ACTR3C: variants seen among roughly 807,000 people sequenced by gnomAD.
ACTR3C encodes actin related protein 3C, also known as actin-related protein 3C.
Under a neutral mutation model 26.3 loss-of-function variants are expected in ACTR3C, and 18 were observed. The observed-to-expected ratio is 0.68, with a 90% CI of 0.47 to 1.01. The LOEUF (loss-of-function observed/expected upper bound fraction) is 1.01, where lower values mean the gene tolerates loss of function less well. ACTR3C is among the 50% of genes least tolerant of loss of function. The pLI is 0.00. For missense variants in ACTR3C, 184 were observed against 250.7 expected, an observed-to-expected ratio of 0.73 and a Z score of 1.80; for synonymous variants, 55 against 94.5, an observed-to-expected ratio of 0.58 and a Z score of 2.42.
the ACTR3C span, among the ~76,000 whole-genome samples, chr7:150,172,275 G>T: frequency 6.6e-6 from 1 of 150,462 alleles, no homozygotes; most frequent in Admixed American, 6.6e-5. Context: ...AGGTTTAATT[G>T]GACTTATAGT....
chr7:150,294,427 A>T (rs756567604), intron 2 of ACTR3C, among the ~76,000 whole-genome samples: 13 of 152,260 alleles, frequency 8.5e-5, no homozygotes, highest in Non-Finnish European at 1.8e-4. Context: ...TGCACAGACC[A>T]CTTTGAGAAC....
the ACTR3C span, among the ~76,000 whole-genome samples, chr7:150,195,884 A>C: frequency 1.3e-5 from 2 of 152,228 alleles, no homozygotes; most frequent in South Asian, 4.1e-4. Context: ...GTCTCAAAAA[A>C]AAATAATAAT....
At chr7:149,991,709 G>T in the ACTR3C span, among the ~76,000 whole-genome samples, 1 of 152,210 alleles carries the variant, frequency 6.6e-6, no homozygotes, top group African/African-American at 2.4e-5. Flanking sequence ...GAACAAGGGT[G>T]GAGTCAAATT....
chr7:149,971,202 C>T, the ACTR3C span, among the ~76,000 whole-genome samples: 2 of 152,198 alleles, frequency 1.3e-5, no homozygotes, highest in African/African-American at 4.8e-5. Context: ...TATCTTCACC[C>T]TCGCCTCTAG....
At chr7:149,982,145 G>A in the ACTR3C span, among the ~76,000 whole-genome samples, 1 of 152,186 alleles carries the variant, frequency 6.6e-6, no homozygotes, top group South Asian at 2.1e-4. Context: ...GTTGACTGAG[G>A]TGGAAGATTA....
the ACTR3C span, among the ~76,000 whole-genome samples, chr7:149,928,844 A>G: frequency 6.6e-6 from 1 of 151,928 alleles, no homozygotes; most frequent in East Asian, 2.0e-4. Context: ...CTCCGTCTCA[A>G]AAAATAAATA....
the ACTR3C span, among the ~76,000 whole-genome samples, chr7:149,888,144 C>T: frequency 9.9e-5 from 15 of 152,260 alleles, no homozygotes; most frequent in South Asian, 2.1e-4. Context: ...AGCATTATTG[C>T]GGCACACCTG....
At chr7:150,228,903 G>GAC in the ACTR3C span, among the ~76,000 whole-genome samples, 4,189 of 149,836 alleles carry the variant, frequency 0.028, 75 homozygotes, top group South Asian at 0.038. Flanking sequence ...TATATAGAGA[G>GAC]AGTGTGTATC....
the ACTR3C span, among the ~76,000 whole-genome samples, chr7:150,219,318 T>C: frequency 2.0e-5 from 3 of 146,686 alleles, no homozygotes; most frequent in Admixed American, 1.3e-4. Context: ...GAAAATAAGA[T>C]GACAGAGTAA....
the ACTR3C span, among the ~76,000 whole-genome samples, chr7:149,975,278 T>C: frequency 6.6e-6 from 1 of 152,054 alleles, no homozygotes; most frequent in Admixed American, 6.6e-5. Flanking sequence ...ATTTGGAAAT[T>C]AAACACCCTG....
the ACTR3C span, among the ~76,000 whole-genome samples, chr7:150,180,987 A>G: frequency 2.6e-5 from 4 of 151,512 alleles, no homozygotes; most frequent in Non-Finnish European, 5.9e-5. Context: ...TAGTATTTCT[A>G]GTCAGATGTC....
chr7:150,264,185 T>G (rs3763422), intron 6 of ACTR3C, among the ~76,000 whole-genome samples: 60,673 of 152,056 alleles, frequency 0.4, 13,069 homozygotes, highest in African/African-American at 0.56. Flanking sequence ...GGGCCAAACA[T>G]CCCTCATTCG....
At chr7:150,211,183 G>A in the ACTR3C span, among the ~76,000 whole-genome samples, 9 of 145,026 alleles carry the variant, frequency 6.2e-5, no homozygotes, top group South Asian at 2.1e-4. Flanking sequence ...ATCTACTGGC[G>A]TAGGTTCTCC....
At chr7:150,257,416 G>C (rs1833298277) in intron 6 of ACTR3C, among the ~76,000 whole-genome samples, 1 of 152,246 alleles carries the variant, frequency 6.6e-6, no homozygotes, top group African/African-American at 2.4e-5. Context: ...ACTGAGACCA[G>C]AGACCGTGGT....
At chr7:149,894,042 G>A in the ACTR3C span, among the ~76,000 whole-genome samples, 3 of 152,178 alleles carry the variant, frequency 2.0e-5, no homozygotes, top group Non-Finnish European at 4.4e-5. Context: ...ACACTATAAA[G>A]CTACAGTAAT....
chr7:150,322,226 A>C (rs1797595717), intron 1 of ACTR3C, among the ~76,000 whole-genome samples: 1 of 152,210 alleles, frequency 6.6e-6, no homozygotes, highest in South Asian at 2.1e-4. Flanking sequence ...AGAGGTGTTT[A>C]AGCCAGAATT....
chr7:150,077,073 G>A, the ACTR3C span, among the ~76,000 whole-genome samples: 2 of 152,114 alleles, frequency 1.3e-5, no homozygotes, highest in South Asian at 2.1e-4. Flanking sequence ...GCTGAGGCAG[G>A]AGAATCACTT....
chr7:150,176,018 AATAAC>A, the ACTR3C span, among the ~76,000 whole-genome samples: 1 of 150,594 alleles, frequency 6.6e-6, no homozygotes, highest in African/African-American at 2.5e-5. Context: ...GTGGAACACG[AATAAC>A]ATAATATAGA....
At chr7:150,308,116 C>T (rs901293374) in intron 1 of ACTR3C, among the ~76,000 whole-genome samples, 7 of 152,102 alleles carry the variant, frequency 4.6e-5, no homozygotes, top group African/African-American at 1.2e-4. Flanking sequence ...TTAATCACTG[C>T]GGGGACACCT....
Sources: gnomAD v4.1 joint callset for allele counts (sites outside exome capture counted in the v4.1 genomes callset) on GRCh38, gnomAD v4.1.1 for gene constraint, MANE v1.5 for transcripts, NCBI Gene and HGNC (gene_info 2026-07-23, HGNC 2026-07-21) for gene names.